The following CA8 variants were observed in gnomAD, a reference collection of about 807,000 sequenced individuals.
CA8 encodes carbonic anhydrase 8 (inactive), also known as carbonic anhydrase-related protein.
CA8 carries 22 observed loss-of-function variants against 41.4 expected under a neutral mutation model. The observed-to-expected ratio is 0.53, with a 90% CI of 0.38 to 0.76. The LOEUF is 0.76. CA8 is among the 30% of genes least tolerant of loss of function. The probability of loss-of-function intolerance (pLI) is 0.00; values close to 1 mark genes in which losing one functional copy is unlikely to be tolerated. For missense variants in CA8, 270 were observed against 352.8 expected, an observed-to-expected ratio of 0.77 and a Z score of 1.88; for synonymous variants, 121 against 130.6, an observed-to-expected ratio of 0.93 and a Z score of 0.50.
intron 3 of CA8, 54 bp from the exon 4 acceptor site, chr8:60,232,433 T>C (rs1369477507): frequency 4.9e-6 from 6 of 1,213,822 alleles, no homozygotes; most frequent in Non-Finnish European, 6.1e-6. Flanking sequence ...CTTCTAATCA[T>C]AAAAGCAAAG....
intron 3 of CA8, among the ~76,000 whole-genome samples, chr8:60,249,327 C>T (rs927143043): frequency 2.0e-5 from 3 of 152,084 alleles, no homozygotes; most frequent in Admixed American, 6.6e-5. Flanking sequence ...GTGGCACCAC[C>T]CTTCAGGAGT....
intron 3 of CA8, among the ~76,000 whole-genome samples, chr8:60,260,372 T>C (rs1803690874): frequency 6.6e-6 from 1 of 152,148 alleles, no homozygotes; most frequent in African/African-American, 2.4e-5. Context: ...TCACAGCCTG[T>C]AAGGCAGGGG....
intron 3 of CA8, among the ~76,000 whole-genome samples, chr8:60,257,010 T>C (rs893317546): frequency 2.2e-4 from 33 of 152,148 alleles, no homozygotes; most frequent in Admixed American, 1.9e-3. Context: ...ACACAGAGTC[T>C]TGCTCTGTCA....
chr8:60,191,010 AT>A (rs1466583543), intron 8 of CA8, among the ~76,000 whole-genome samples: 1 of 149,822 alleles, frequency 6.7e-6, no homozygotes, highest in Non-Finnish European at 1.5e-5. Flanking sequence ...ATACATACAA[AT>A]ATATAGAATG....
chr8:60,203,208 G>A (rs1474431140), intron 8 of CA8, among the ~76,000 whole-genome samples: 1 of 152,018 alleles, frequency 6.6e-6, no homozygotes, highest in Non-Finnish European at 1.5e-5. Flanking sequence ...AGATTTCTAG[G>A]AGTGACCCAA....
intron 3 of CA8, among the ~76,000 whole-genome samples, chr8:60,262,711 T>C (rs911900911): frequency 6.6e-6 from 1 of 152,190 alleles, no homozygotes; most frequent in Non-Finnish European, 1.5e-5. Context: ...GTAGCATGAT[T>C]ATATCGTTCT....
At chr8:60,259,564 C>T (rs1803661381) in intron 3 of CA8, among the ~76,000 whole-genome samples, 1 of 152,136 alleles carries the variant, frequency 6.6e-6, no homozygotes, top group African/African-American at 2.4e-5. Flanking sequence ...AGAGGGAATA[C>T]AGCTAAAAGA....
intron 3 of CA8, among the ~76,000 whole-genome samples, chr8:60,259,054 A>C (rs910065538): frequency 1.3e-5 from 2 of 152,236 alleles, no homozygotes; most frequent in African/African-American, 4.8e-5. Context: ...TATTGTACTC[A>C]TAGCTGTCTC....
intron 1 of CA8, 137 bp from the exon 2 acceptor site, chr8:60,280,017 G>A: frequency 1.6e-6 from 1 of 644,184 alleles, no homozygotes; most frequent in Non-Finnish European, 2.5e-6. Flanking sequence ...GATGAAATAT[G>A]GTAATTCTAT....
intron 3 of CA8, among the ~76,000 whole-genome samples, chr8:60,260,013 C>T (rs1803679758): frequency 6.6e-6 from 1 of 152,180 alleles, no homozygotes; most frequent in Non-Finnish European, 1.5e-5. Context: ...AGTCCTAACT[C>T]CTCTTAATAC....
intron 4 of CA8, among the ~76,000 whole-genome samples, chr8:60,229,614 AC>A (rs1807571188): frequency 6.6e-6 from 1 of 151,900 alleles, no homozygotes; most frequent in South Asian, 2.1e-4. Context: ...GCCCCATTCC[AC>A]CTGAGCAAAC....
chr8:60,188,627 C>T lies in CA8; in HGVS notation c.*1394G>A, dbSNP rs529381465. 5 of 152,324 alleles carry T rather than the reference C, an allele frequency of 3.3e-5. No individual in the cohort carries two copies. Among genetic ancestry groups the T allele is most frequent in the Admixed American group, 6.5e-5 (1 of 15,274 alleles). The allele number at this position is 152,324 out of a possible 1,614,324, so 9.4% of individuals were successfully genotyped here. A position where few individuals can be genotyped will look rare whatever the true frequency, so the allele number is the denominator to read the frequency against. ...ACAAGGGAAGTCCAGGACCTCTCTC[C>T]GCTTTCAGAGGCACTGCCTGGTGCT... is the stretch of plus-strand genomic sequence containing the variant. On this transcript the variant is annotated 3_prime_UTR_variant, in exon 9 of 9. Coordinates refer to ENST00000317995, the MANE Select transcript of CA8 (RefSeq NM_004056.6).
chr8:60,206,525 C>G (rs1226203638), intron 8 of CA8, among the ~76,000 whole-genome samples: 1 of 152,128 alleles, frequency 6.6e-6, no homozygotes, highest in Non-Finnish European at 1.5e-5. Context: ...ACTAACTAAA[C>G]CTAGACTGGA....
Position 60,186,428 on chromosome 8 carries a change from T to C in CA8, c.*3593A>G, listed in dbSNP as rs1286556184. ...AAAATGAAAAAAATAATTAAAGCAA[T>C]TGAAATATACTAGAAAATATTCACC... On this transcript the variant is annotated 3_prime_UTR_variant, in exon 9 of 9. Coordinates refer to ENST00000317995, the MANE Select transcript of CA8 (RefSeq NM_004056.6). Among the ~76,000 whole-genome samples, 1 of 149,138 alleles carries C rather than the reference T, an allele frequency of 6.7e-6. No individual in the cohort carries two copies. The highest frequency in any genetic ancestry group is 6.7e-5 in the Admixed American group (1 of 15,012).
Position 60,218,823 on chromosome 8 carries a change from T to C in CA8, c.738+3826A>G, listed in dbSNP as rs953759628. ...ATCATTCATAGAACAACAGTGACTA[T>C]ACGACCCACGGCCCCTGCTCGTGTT... On this transcript the variant is annotated intron_variant, in intron 7 of 8. Transcript: ENST00000317995. Among the ~76,000 whole-genome samples, 9 of 152,280 alleles carry C rather than the reference T, an allele frequency of 5.9e-5. No individual in the cohort carries two copies. The East Asian group carries it at 1.5e-3, about 26-fold the overall frequency.
chr8:60,266,157 G>T, intron 2 of CA8, 108 bp from the exon 3 acceptor site: 2 of 1,032,206 alleles, frequency 1.9e-6, no homozygotes, highest in Non-Finnish European at 2.8e-6. Flanking sequence ...GGGCTCTACA[G>T]ATTAAATTCA....
intron 8 of CA8, among the ~76,000 whole-genome samples, chr8:60,190,967 C>CACACACAT (rs1405639777): frequency 1.3e-5 from 1 of 78,406 alleles, no homozygotes; most frequent in African/African-American, 5.5e-5. Context: ...TACACACACA[C>CACACACAT]ATTTCTACAT....
chr8:60,213,695 A>G (rs1265283955), intron 7 of CA8, among the ~76,000 whole-genome samples: 2 of 152,164 alleles, frequency 1.3e-5, no homozygotes, highest in East Asian at 3.9e-4. Context: ...TGCTAAAATG[A>G]TAGTATTTTG....
intron 3 of CA8, among the ~76,000 whole-genome samples, chr8:60,234,445 G>GT (rs1328998607): frequency 6.6e-6 from 1 of 152,224 alleles, no homozygotes; most frequent in Non-Finnish European, 1.5e-5. Flanking sequence ...TGTAACAAAT[G>GT]TAACCATGCT....
Sources: allele counts gnomAD v4.1 joint callset (sites outside exome capture counted in the v4.1 genomes callset), GRCh38; gene constraint gnomAD v4.1.1; transcripts MANE v1.5; gene names NCBI Gene and HGNC (gene_info 2026-07-23, HGNC 2026-07-21).